NBAS: variants seen among roughly 807,000 people sequenced by gnomAD.
NBAS encodes the protein NBAS subunit of NRZ tethering complex.
A neutral mutation model predicts 302.5 loss-of-function variants in NBAS; 219 were observed. That is an observed-to-expected ratio of 0.72 (90% CI 0.65 to 0.81). The LOEUF is 0.81. Among genes scored for constraint, NBAS ranks in the 30% least tolerant of loss-of-function variants. The pLI is 0.00. For missense variants in NBAS, 2,932 were observed against 2,841.6 expected (o/e 1.03, Z -0.72); for synonymous variants, 1,118 against 1,021.6 (o/e 1.09, Z -1.80).
chr2:15,334,440 G>C (rs908116487), intron 35 of NBAS, among the ~76,000 whole-genome samples: 1 of 151,818 alleles, frequency 6.6e-6, no homozygotes, highest in African/African-American at 2.4e-5. Context: ...CGCCCGCCTC[G>C]GCCTCCCAAA....
At chr2:14,873,981 G>A in the NBAS span, among the ~76,000 whole-genome samples, 5 of 151,594 alleles carry the variant, frequency 3.3e-5, no homozygotes, top group African/African-American at 9.7e-5. Context: ...ACAGAAAACA[G>A]AATAAAAATA....
At chr2:15,437,131 C>T (rs917494192) in intron 21 of NBAS, among the ~76,000 whole-genome samples, 1 of 151,894 alleles carries the variant, frequency 6.6e-6, no homozygotes, top group Non-Finnish European at 1.5e-5. Context: ...AACAACAATG[C>T]AATGTTCTAT....
In NBAS at chr2:15,475,766, A is replaced by G; in HGVS notation, c.1262T>C (p.Leu421Ser). 3.1e-6 allele frequency: 5 copies of G among 1,614,164 alleles called. No individual in the cohort carries two copies. Among genetic ancestry groups the G allele is most frequent in the Non-Finnish European group, 4.2e-6 (5 of 1,179,982 alleles). ...TVSSVKTLKNLLGKSCEWFEP... is the reference protein window; with the variant it reads ...TVSSVKTLKNSLGKSCEWFEP... ...AAACCATTCACAGGATTTTCCCAGT[A>G]AATTCTTCAAAGTTTTCACAGATGA... is the stretch of plus-strand genomic sequence containing the variant. Residue 421 changes from leucine to serine, a missense_variant, in exon 14 of 52, where the codon TTA becomes TCA. Transcript: ENST00000281513.
At chr2:15,508,607 G>C (rs1661983992) in intron 10 of NBAS, among the ~76,000 whole-genome samples, 1 of 152,128 alleles carries the variant, frequency 6.6e-6, no homozygotes, top group Admixed American at 6.6e-5. Context: ...AGCTAGACCA[G>C]TTATTAACAT....
the NBAS span, among the ~76,000 whole-genome samples, chr2:15,019,473 GC>G: frequency 6.6e-6 from 1 of 152,110 alleles, no homozygotes; most frequent in Non-Finnish European, 1.5e-5. Context: ...AGGAAGAGGG[GC>G]TGCAGACAGA....
At chr2:14,875,615 C>CA in the NBAS span, among the ~76,000 whole-genome samples, 168 of 150,328 alleles carry the variant, frequency 1.1e-3, 1 homozygote, top group South Asian at 1.7e-3. Flanking sequence ...GACTCTGTCT[C>CA]AAAAAAATAA....
At chr2:15,486,756 C>T (rs1288264050) in intron 12 of NBAS, among the ~76,000 whole-genome samples, 7 of 152,012 alleles carry the variant, frequency 4.6e-5, no homozygotes. Context: ...TTTAATAGAA[C>T]CACTCTAAAA....
chr2:15,259,767 AG>A (rs1175970753), intron 44 of NBAS, among the ~76,000 whole-genome samples: 2 of 152,228 alleles, frequency 1.3e-5, no homozygotes, highest in Non-Finnish European at 2.9e-5. Context: ...AAGATGGTTC[AG>A]TTACATGGAC....
chr2:15,486,444 T>C (rs1427978448), intron 12 of NBAS, among the ~76,000 whole-genome samples: 2 of 152,188 alleles, frequency 1.3e-5, no homozygotes, highest in Non-Finnish European at 1.5e-5. Flanking sequence ...CTGAGGACTG[T>C]TTCAGGAACA....
chr2:15,480,832 A>G (rs1356835958), intron 12 of NBAS, among the ~76,000 whole-genome samples: 1 of 152,224 alleles, frequency 6.6e-6, no homozygotes, highest in East Asian at 1.9e-4. Flanking sequence ...AGGTGATCTT[A>G]GCATAATGTA....
At chr2:15,378,948 T>C (rs1255988130) in intron 30 of NBAS, among the ~76,000 whole-genome samples, 1 of 152,166 alleles carries the variant, frequency 6.6e-6, no homozygotes, top group Non-Finnish European at 1.5e-5. Context: ...TTTAATTTTA[T>C]AAAAAATTAA....
chr2:15,067,035 A>G, the NBAS span, among the ~76,000 whole-genome samples: 3 of 152,034 alleles, frequency 2.0e-5, no homozygotes, highest in Non-Finnish European at 4.4e-5. Context: ...AAAAGGCAGA[A>G]ATCCTGGTCA....
the NBAS span, among the ~76,000 whole-genome samples, chr2:14,854,329 G>T: frequency 6.6e-6 from 1 of 151,772 alleles, no homozygotes; most frequent in Non-Finnish European, 1.5e-5. Context: ...ATAAAGATCA[G>T]ACCAAAAATA....
chr2:15,269,936 C>A (rs1301624550), intron 44 of NBAS, among the ~76,000 whole-genome samples: 2 of 152,198 alleles, frequency 1.3e-5, no homozygotes, highest in African/African-American at 4.8e-5. Flanking sequence ...TTTCCAACCT[C>A]TTATCTGTGT....
chr2:14,915,848 C>A, the NBAS span, among the ~76,000 whole-genome samples: 1 of 152,196 alleles, frequency 6.6e-6, no homozygotes, highest in Non-Finnish European at 1.5e-5. Flanking sequence ...GCATGAGCCA[C>A]TGTGCCTGGC....
At chr2:14,803,822 G>A in the NBAS span, among the ~76,000 whole-genome samples, 9 of 151,982 alleles carry the variant, frequency 5.9e-5, no homozygotes, top group Admixed American at 5.9e-4. Flanking sequence ...GCTAATTTTT[G>A]TATTTTTAGT....
chr2:15,305,052 TG>T (rs914343700), intron 40 of NBAS, among the ~76,000 whole-genome samples: 1 of 152,152 alleles, frequency 6.6e-6, no homozygotes, highest in African/African-American at 2.4e-5. Flanking sequence ...GGGGAACTGT[TG>T]GGAAAGCATG....
the NBAS span, among the ~76,000 whole-genome samples, chr2:14,989,064 G>A: frequency 1.3e-5 from 2 of 152,064 alleles, no homozygotes; most frequent in Admixed American, 1.3e-4. Context: ...CATCTTCAAT[G>A]GAACACTCAG....
At chr2:15,264,550 A>G (rs1668988593) in intron 44 of NBAS, among the ~76,000 whole-genome samples, 1 of 152,220 alleles carries the variant, frequency 6.6e-6, no homozygotes, top group Non-Finnish European at 1.5e-5. Flanking sequence ...CTTGCCAGTC[A>G]GGCCAGTTAA....
Sources: allele counts gnomAD v4.1 joint callset (sites outside exome capture counted in the v4.1 genomes callset), GRCh38; gene constraint gnomAD v4.1.1; transcripts MANE v1.5; gene names NCBI Gene and HGNC (gene_info 2026-07-23, HGNC 2026-07-21).